Variants in DAB1 observed in about 807,000 individuals in gnomAD.
The protein encoded by DAB1 is disabled homolog 1.
Under a neutral mutation model 64.6 loss-of-function variants are expected in DAB1, and 15 were observed. The ratio of observed to expected loss-of-function variants is 0.23; its 90% CI spans 0.16 to 0.36. DAB1 has a LOEUF of 0.36. Ranked by LOEUF, DAB1 falls within the 10% of genes least tolerant of loss-of-function variation. The pLI, the probability that DAB1 is intolerant of heterozygous loss-of-function variation, is 1.00. For missense variants in DAB1, 596 were observed against 706.7 expected (o/e 0.84, Z 1.78); for synonymous variants, 235 against 251.9 (o/e 0.93, Z 0.64).
chr1:57,966,037 T>C (rs1240955465), intron 5 of DAB1, among the ~76,000 whole-genome samples: 1 of 152,180 alleles, frequency 6.6e-6, no homozygotes, highest in Non-Finnish European at 1.5e-5. Flanking sequence ...ACAAATGATC[T>C]TCAATAATTG....
chr1:57,400,697 T>G (rs1317325652), intron 1 of DAB1, among the ~76,000 whole-genome samples: 2 of 152,016 alleles, frequency 1.3e-5, no homozygotes, highest in African/African-American at 4.8e-5. Context: ...TTTGAGAGAA[T>G]TCTCACACAA....
rs566652189 is a variant in DAB1, at chr1:58,158,624, G to A, written n.310-8036C>T. ...TGGAGAGAAAAATCTACTGCAGCTCGCGTTTCCTTAGAAACCCCCACAAGC... is the reference window on the plus strand; with the variant it reads ...TGGAGAGAAAAATCTACTGCAGCTCACGTTTCCTTAGAAACCCCCACAAGC... On this transcript the variant is annotated intron_variant and non_coding_transcript_variant, in intron 4 of 20. Coordinates refer to the DAB1 transcript ENST00000485760. Among the ~76,000 whole-genome samples the A allele has an allele frequency of 7.9e-5, 12 of 152,226 alleles. No individual in the cohort carries two copies. The East Asian group carries it at 2.1e-3, about 27-fold the overall frequency.
chr1:57,762,018 C>T (rs148790704), intron 6 of DAB1, among the ~76,000 whole-genome samples: 5 of 152,122 alleles, frequency 3.3e-5, no homozygotes, highest in African/African-American at 9.7e-5. Context: ...ATGGACAGAG[C>T]GTCATTTGCA....
chr1:58,323,062 G>A (rs557360169), intron 4 of DAB1, among the ~76,000 whole-genome samples: 38 of 151,156 alleles, frequency 2.5e-4, no homozygotes, highest in African/African-American at 6.6e-4. Flanking sequence ...GGCACAGGGC[G>A]GGGAACATCA....
chr1:58,196,758 T>C (rs1657698858), intron 4 of DAB1, among the ~76,000 whole-genome samples: 1 of 152,102 alleles, frequency 6.6e-6, no homozygotes, highest in Non-Finnish European at 1.5e-5. Flanking sequence ...CTTACTACCA[T>C]GAGAGCAGCA....
intron 6 of DAB1, among the ~76,000 whole-genome samples, chr1:57,810,907 A>T (rs1344397636): frequency 1.3e-5 from 2 of 152,208 alleles, no homozygotes; most frequent in Non-Finnish European, 2.9e-5. Flanking sequence ...GGCTAAAATC[A>T]TGGTGTTAGT....
chr1:58,126,434 G>A (rs1249952210), intron 5 of DAB1, among the ~76,000 whole-genome samples: 2 of 148,208 alleles, frequency 1.3e-5, no homozygotes, highest in African/African-American at 2.5e-5. Flanking sequence ...ATTCAGAAGG[G>A]GCCAATCTTT....
chr1:58,510,142 C>T (rs1007098154), intron 2 of DAB1, among the ~76,000 whole-genome samples: 12 of 135,802 alleles, frequency 8.8e-5, no homozygotes, highest in African/African-American at 3.6e-4. Context: ...TTTATGAGGC[C>T]AGCCATTACC....
At chr1:58,034,300 T>C (rs944556723) in intron 5 of DAB1, among the ~76,000 whole-genome samples, 5 of 152,166 alleles carry the variant, frequency 3.3e-5, no homozygotes, top group Non-Finnish European at 7.4e-5. Flanking sequence ...TCAGTCCAAA[T>C]GCCTGCCAGG....
chr1:58,175,317 C>G (rs1656407450), intron 4 of DAB1, among the ~76,000 whole-genome samples: 1 of 152,272 alleles, frequency 6.6e-6, no homozygotes, highest in South Asian at 2.1e-4. Flanking sequence ...AGACCACGAA[C>G]CCACCGGAAG....
intron 4 of DAB1, among the ~76,000 whole-genome samples, chr1:58,220,107 A>G (rs1659078952): frequency 6.6e-6 from 1 of 152,240 alleles, no homozygotes; most frequent in South Asian, 2.1e-4. Context: ...CCCTGAAAAA[A>G]GAAGCTCAAA....
rs534339484 is a variant in DAB1, at chr1:57,566,566, A to G, written n.625+83026T>C. Among the ~76,000 whole-genome samples, 150 of 152,328 alleles carry G rather than the reference A, an allele frequency of 9.8e-4. 1 individual carries two copies. Among genetic ancestry groups the G allele is most frequent in the African/African-American group, 3.4e-3 (140 of 41,586 alleles). On this transcript the variant is annotated intron_variant and non_coding_transcript_variant, in intron 7 of 20. Transcript: ENST00000485760. ...AGAAGAAAAGAGAGAAGAATCAAAT[A>G]GACGCAATAAAAAATGATAAAGGGG... is the stretch of plus-strand genomic sequence containing the variant.
At chr1:57,352,552 C>T (rs375509981) in intron 1 of DAB1, among the ~76,000 whole-genome samples, 75 of 152,192 alleles carry the variant, frequency 4.9e-4, no homozygotes, top group African/African-American at 1.8e-3. Context: ...CACAACCACT[C>T]TATGGCATAA....
At chr1:57,604,955 T>C (rs1384416850) in intron 7 of DAB1, among the ~76,000 whole-genome samples, 7 of 152,160 alleles carry the variant, frequency 4.6e-5, no homozygotes, top group Non-Finnish European at 1.0e-4. Context: ...TGGACAACTC[T>C]TTCCAAATAA....
At chr1:57,862,513 T>C (rs1029508501) in intron 1 of DAB1, 1 of 152,152 alleles carries the variant, frequency 6.6e-6, no homozygotes, top group Admixed American at 6.6e-5. Context: ...GAAAGGAAAT[T>C]GAAAAGGCAA....
chr1:57,677,529 G>T (rs779915921), intron 6 of DAB1, among the ~76,000 whole-genome samples: 1 of 152,100 alleles, frequency 6.6e-6, no homozygotes. Flanking sequence ...CCTCTGGACC[G>T]CCACAACACT....
chr1:58,025,182 C>T (rs1165795978), intron 5 of DAB1, among the ~76,000 whole-genome samples: 1 of 151,858 alleles, frequency 6.6e-6, no homozygotes, highest in African/African-American at 2.4e-5. Context: ...TCTCTAGCAA[C>T]ATAAACATTC....
intron 6 of DAB1, among the ~76,000 whole-genome samples, chr1:57,715,228 T>C (rs574973919): frequency 3.2e-4 from 49 of 152,340 alleles, no homozygotes; most frequent in Non-Finnish European, 5.9e-4. Context: ...GAATTCAGCA[T>C]TGCATTATTA....
chr1:57,459,696 G>A (rs144324206), intron 7 of DAB1, among the ~76,000 whole-genome samples: 1 of 152,088 alleles, frequency 6.6e-6, no homozygotes, highest in Non-Finnish European at 1.5e-5. Context: ...CCAGATCCAC[G>A]ATCCAAAGCA....
Sources: allele counts gnomAD v4.1 joint callset (sites outside exome capture counted in the v4.1 genomes callset), GRCh38; gene constraint gnomAD v4.1.1; transcripts MANE v1.5; gene names NCBI Gene and HGNC (gene_info 2026-07-23, HGNC 2026-07-21).